The following ELOVL5 variants were observed in gnomAD, a reference collection of about 807,000 sequenced individuals.
The protein encoded by ELOVL5 is ELOVL fatty acid elongase 5, also known as very long chain fatty acid elongase 5.
A neutral mutation model predicts 38.6 loss-of-function variants in ELOVL5; 8 were observed. The ratio of observed to expected loss-of-function variants is 0.21; its 90% CI spans 0.12 to 0.37. ELOVL5 has a LOEUF of 0.37. Ranked by LOEUF, ELOVL5 falls within the 10% of genes least tolerant of loss-of-function variation. The pLI, the probability that ELOVL5 is intolerant of heterozygous loss-of-function variation, is 1.00. For synonymous variants in ELOVL5, 127 were observed against 133.7 expected (o/e 0.95, Z 0.34); for missense variants, 280 against 367.8 (o/e 0.76, Z 1.95).
chr6:53,288,377 T>A (rs1766649518), intron 3 of ELOVL5, among the ~76,000 whole-genome samples: 1 of 152,202 alleles, frequency 6.6e-6, no homozygotes, highest in Admixed American at 6.5e-5. Flanking sequence ...CTAAGTTGTT[T>A]CTCTTCTATA....
intron 1 of ELOVL5, among the ~76,000 whole-genome samples, chr6:53,327,713 CTT>C (rs941935561): frequency 5.9e-5 from 9 of 152,116 alleles, no homozygotes; most frequent in African/African-American, 2.2e-4. Flanking sequence ...TTTCAAATAA[CTT>C]TTTTTAAAAG....
Position 53,276,274 on chromosome 6 carries a change from GC to G in ELOVL5, c.247-19del. 1 of 1,540,318 alleles carries G rather than the reference GC, an allele frequency of 6.5e-7. No homozygotes were observed. The highest frequency in any genetic ancestry group is 9.0e-7 in the Non-Finnish European group (1 of 1,113,244). The stretch of plus-strand genomic sequence containing the variant: ...GTTACTAACTAAAAAAGAAGAAAGA[GC>G]CAGTCACCAACAGCATCTGAGCCAT... On this transcript the variant is annotated intron_variant, in intron 3 of 7. Coordinates refer to ENST00000304434, the MANE Select transcript of ELOVL5 (RefSeq NM_021814.5).
At chr6:53,269,394 C>G (rs1318053150) in intron 7 of ELOVL5, 124 bp from the exon 8 acceptor site, 2 of 664,592 alleles carry the variant, frequency 3.0e-6, no homozygotes, top group East Asian at 6.2e-5. Flanking sequence ...AGGAGAAACT[C>G]CTGAGGTCAA....
chr6:53,333,757 G>A (rs1345436576), intron 1 of ELOVL5, among the ~76,000 whole-genome samples: 1 of 152,134 alleles, frequency 6.6e-6, no homozygotes, highest in Non-Finnish European at 1.5e-5. Flanking sequence ...CAGTTTTCAT[G>A]TGTGGTTTAT....
chr6:53,334,554 T>C (rs369769651), intron 1 of ELOVL5, among the ~76,000 whole-genome samples: 17 of 152,264 alleles, frequency 1.1e-4, no homozygotes, highest in African/African-American at 4.1e-4. Context: ...CATGACACAA[T>C]GGACTCAAAA....
intron 2 of ELOVL5, chr6:53,293,978 C>A: frequency 1.6e-6 from 1 of 622,648 alleles, no homozygotes; most frequent in Non-Finnish European, 2.2e-6. Context: ...CAGCTTTGGG[C>A]CTTGGCTGTC....
At chr6:53,293,156 T>G (rs1766840450) in intron 2 of ELOVL5, among the ~76,000 whole-genome samples, 1 of 152,042 alleles carries the variant, frequency 6.6e-6, no homozygotes, top group South Asian at 2.1e-4. Flanking sequence ...CTTTGAACCC[T>G]GCTATGATGT....
At chr6:53,298,077 C>T (rs192142232) in intron 1 of ELOVL5, among the ~76,000 whole-genome samples, 2 of 152,170 alleles carry the variant, frequency 1.3e-5, no homozygotes, top group Non-Finnish European at 2.9e-5. Flanking sequence ...TACTGAAAAT[C>T]ATCTAGAAAA....
chr6:53,335,089 G>A (rs1768992100), intron 1 of ELOVL5, among the ~76,000 whole-genome samples: 1 of 152,160 alleles, frequency 6.6e-6, no homozygotes, highest in Non-Finnish European at 1.5e-5. Context: ...AGCTCTATGG[G>A]ATTTACAGGA....
chr6:53,309,514 G>A (rs751613044), intron 1 of ELOVL5, among the ~76,000 whole-genome samples: 8 of 152,002 alleles, frequency 5.3e-5, no homozygotes, highest in Non-Finnish European at 7.4e-5. Context: ...AAGTAAATAC[G>A]GTATCTATGG....
intron 1 of ELOVL5, among the ~76,000 whole-genome samples, chr6:53,305,173 C>T (rs1361710220): frequency 6.7e-6 from 1 of 150,318 alleles, no homozygotes; most frequent in Admixed American, 6.6e-5. Flanking sequence ...CCACCTCCCT[C>T]CCGGACGGGG....
intron 1 of ELOVL5, among the ~76,000 whole-genome samples, chr6:53,338,212 A>G (rs1769166996): frequency 6.6e-6 from 1 of 152,220 alleles, no homozygotes. Context: ...TTAATACGCC[A>G]GTCCCATTTC....
chr6:53,294,231 T>A (rs1766891684), intron 2 of ELOVL5: 1 of 1,504,140 alleles, frequency 6.6e-7, no homozygotes, highest in Admixed American at 2.1e-5. Context: ...AGGTAGAGAA[T>A]CCTTAGGATC....
At chr6:53,296,108 C>G (rs1364413879) in intron 1 of ELOVL5, among the ~76,000 whole-genome samples, 1 of 152,042 alleles carries the variant, frequency 6.6e-6, no homozygotes, top group Admixed American at 6.5e-5. Context: ...TATCAGGGAA[C>G]AGAATGCCAC....
chr6:53,270,551 A>T, intron 7 of ELOVL5, 42 bp downstream of exon 7: 1 of 1,608,114 alleles, frequency 6.2e-7, no homozygotes, highest in Non-Finnish European at 8.5e-7. Context: ...CTTTGTTGGT[A>T]AAGGCCCCAG....
intron 1 of ELOVL5, among the ~76,000 whole-genome samples, chr6:53,318,873 AT>A (rs1408155689): frequency 1.3e-5 from 2 of 152,248 alleles, no homozygotes; most frequent in African/African-American, 4.8e-5. Context: ...AAATATTATC[AT>A]TTCAACATGT....
intron 1 of ELOVL5, among the ~76,000 whole-genome samples, chr6:53,313,171 T>C (rs1281873003): frequency 6.6e-6 from 1 of 152,168 alleles, no homozygotes; most frequent in Admixed American, 6.5e-5. Flanking sequence ...TTCAGAGGCA[T>C]TTTGTGATCC....
chr6:53,316,038 G>C (rs1768022703), intron 1 of ELOVL5, among the ~76,000 whole-genome samples: 2 of 152,188 alleles, frequency 1.3e-5, no homozygotes, highest in Non-Finnish European at 2.9e-5. Flanking sequence ...GGACAATAAT[G>C]CTTATACCTC....
At chr6:53,329,454 A>G (rs1429347140) in intron 1 of ELOVL5, among the ~76,000 whole-genome samples, 3 of 152,184 alleles carry the variant, frequency 2.0e-5, no homozygotes, top group African/African-American at 7.2e-5. Flanking sequence ...TTTCTCAGTA[A>G]CATTTAATAG....
Sources: gnomAD v4.1 joint callset for allele counts (sites outside exome capture counted in the v4.1 genomes callset) on GRCh38, gnomAD v4.1.1 for gene constraint, MANE v1.5 for transcripts, NCBI Gene and HGNC (gene_info 2026-07-23, HGNC 2026-07-21) for gene names.